Variants in DNER observed in about 807,000 individuals in gnomAD.
DNER encodes the protein delta and Notch-like epidermal growth factor-related receptor.
Under a neutral mutation model 78.2 loss-of-function variants are expected in DNER, and 33 were observed. The observed-to-expected ratio is 0.42, with a 90% CI of 0.32 to 0.56. The LOEUF is 0.56. Ranked by LOEUF, DNER falls within the 20% of genes least tolerant of loss-of-function variation. DNER has a pLI of 0.11. For synonymous variants in DNER, 417 were observed against 384.8 expected, an observed-to-expected ratio of 1.08 and a Z score of -0.98; for missense variants, 918 against 975.3, an observed-to-expected ratio of 0.94 and a Z score of 0.78.
intron 9 of DNER, 110 bp from the exon 10 acceptor site, chr2:229,407,455 G>T (rs555274860): frequency 3.7e-6 from 3 of 811,790 alleles, no homozygotes; most frequent in African/African-American, 1.7e-5. Context: ...GATTCCCAGC[G>T]TGGGTGTGTG....
At chr2:229,565,677 T>A (rs1697092203) in intron 4 of DNER, among the ~76,000 whole-genome samples, 1 of 152,206 alleles carries the variant, frequency 6.6e-6, no homozygotes, top group Admixed American at 6.5e-5. Context: ...TTAAGTAATC[T>A]CCAATTAGCA....
intron 12 of DNER, among the ~76,000 whole-genome samples, chr2:229,362,453 C>G (rs1692238505): frequency 1.3e-5 from 2 of 152,224 alleles, no homozygotes; most frequent in Admixed American, 6.5e-5. Flanking sequence ...CTATGTACTT[C>G]TGCATTGAAA....
At chr2:229,645,541 A>G (rs1258287246) in intron 1 of DNER, among the ~76,000 whole-genome samples, 1 of 152,222 alleles carries the variant, frequency 6.6e-6, no homozygotes, top group Non-Finnish European at 1.5e-5. Flanking sequence ...AAATATGTTC[A>G]CCAATCTGTC....
intron 7 of DNER, among the ~76,000 whole-genome samples, chr2:229,458,440 G>GACAA (rs1247321146): frequency 5.9e-5 from 9 of 151,802 alleles, no homozygotes; most frequent in African/African-American, 2.2e-4. Flanking sequence ...GTAACTGACA[G>GACAA]AATCAATTGA....
At chr2:229,532,901 A>T (rs1197848165) in intron 5 of DNER, among the ~76,000 whole-genome samples, 2 of 152,162 alleles carry the variant, frequency 1.3e-5, no homozygotes, top group Non-Finnish European at 2.9e-5. Flanking sequence ...TGGGAATAAT[A>T]AGGGAGACAG....
intron 1 of DNER, among the ~76,000 whole-genome samples, chr2:229,616,454 C>A (rs891283462): frequency 6.6e-6 from 1 of 152,078 alleles, no homozygotes; most frequent in Non-Finnish European, 1.5e-5. Context: ...CACTTCTGAT[C>A]TAGGGTGATG....
At chr2:229,431,547 A>G (rs1694006742) in intron 8 of DNER, among the ~76,000 whole-genome samples, 1 of 148,922 alleles carries the variant, frequency 6.7e-6, no homozygotes, top group Admixed American at 6.7e-5. Context: ...TGGCCACTAG[A>G]GGGTGGATTC....
chr2:229,385,909 A>T (rs1692853862), intron 11 of DNER, among the ~76,000 whole-genome samples: 1 of 151,866 alleles, frequency 6.6e-6, no homozygotes, highest in East Asian at 1.9e-4. Flanking sequence ...AGTAATTTAC[A>T]CGTTCAATGC....
intron 1 of DNER, chr2:229,701,646 A>G (rs2154217667): frequency 6.6e-6 from 1 of 152,376 alleles, no homozygotes; most frequent in African/African-American, 2.4e-5. Flanking sequence ...GTGAGGTCTT[A>G]AAGAATCTTT....
intron 4 of DNER, among the ~76,000 whole-genome samples, chr2:229,560,819 A>G (rs1253422809): frequency 1.3e-5 from 2 of 152,174 alleles, no homozygotes; most frequent in Non-Finnish European, 2.9e-5. Flanking sequence ...GTGTGGACTC[A>G]GATGTCCTTC....
intron 1 of DNER, among the ~76,000 whole-genome samples, chr2:229,603,389 G>A (rs1340714731): frequency 6.6e-6 from 1 of 152,130 alleles, no homozygotes; most frequent in Non-Finnish European, 1.5e-5. Flanking sequence ...TTGTGCACAT[G>A]TACCCTAAAA....
chr2:229,549,683 G>A (rs190995042), intron 4 of DNER, among the ~76,000 whole-genome samples: 23 of 152,224 alleles, frequency 1.5e-4, no homozygotes, highest in South Asian at 6.2e-4. Context: ...AGGCAGAAGC[G>A]CGTGGATCAT....
At chr2:229,395,228 T>A (rs1444085659) in intron 10 of DNER, among the ~76,000 whole-genome samples, 1 of 152,182 alleles carries the variant, frequency 6.6e-6, no homozygotes, top group Non-Finnish European at 1.5e-5. Context: ...TTAGAGGTGG[T>A]TGATGGCACT....
At chr2:229,422,542 C>T (rs1434141752) in intron 8 of DNER, among the ~76,000 whole-genome samples, 1 of 151,842 alleles carries the variant, frequency 6.6e-6, no homozygotes, top group East Asian at 1.9e-4. Flanking sequence ...GCTGAGTGAG[C>T]GGATGAAGTC....
chr2:229,644,426 C>T (rs1432443098), intron 1 of DNER, among the ~76,000 whole-genome samples: 1 of 148,350 alleles, frequency 6.7e-6, no homozygotes, highest in African/African-American at 2.5e-5. Flanking sequence ...TCACTGCAAC[C>T]TCCACCTCCC....
intron 1 of DNER, among the ~76,000 whole-genome samples, chr2:229,660,773 G>A (rs1312169117): frequency 6.6e-6 from 1 of 152,096 alleles, no homozygotes; most frequent in African/African-American, 2.4e-5. Flanking sequence ...TAGTTTTGGG[G>A]TGAGCAGGAA....
chr2:229,546,998 T>A lies in DNER; in HGVS notation c.942A>T (p.Ala314=). 1 of 1,614,226 alleles carries A rather than the reference T, an allele frequency of 6.2e-7. No individual in the cohort carries two copies. Among genetic ancestry groups the A allele is most frequent in the Admixed American group, 1.7e-5 (1 of 60,024 alleles). The part of the protein sequence containing the change: ...VSTCVPGESH[A]NDLECSGKGK... The stretch of plus-strand genomic sequence containing the variant: ...CTTTTCCTGAACACTCCAAGTCATT[T>A]GCGTGACTCTCCCCCGGCACACAGG... Residue 314 remains alanine (A), a synonymous_variant, in exon 5 of 13, where the codon GCA becomes GCT. Transcript: ENST00000341772.
intron 1 of DNER, among the ~76,000 whole-genome samples, chr2:229,681,929 A>T (rs1469401597): frequency 6.6e-6 from 1 of 152,114 alleles, no homozygotes; most frequent in Non-Finnish European, 1.5e-5. Flanking sequence ...TTAATTTAGT[A>T]AATGTCATCT....
rs1559165523 is a variant in DNER, at chr2:229,554,941, A to AGAGAAGAGAGAAAAGGGAAGGGAAGGG, written c.848-7850_848-7849insCCCTTCCCTTCCCTTTTCTCTCTTCTC. 7.8e-5 allele frequency among the ~76,000 whole-genome samples: 2 copies of AGAGAAGAGAGAAAAGGGAAGGGAAGGG among 25,608 alleles called. 1 individual carries two copies. Among genetic ancestry groups the AGAGAAGAGAGAAAAGGGAAGGGAAGGG allele is most frequent in the Non-Finnish European group, 1.6e-4 (2 of 12,688 alleles). The allele number at this position is 25,608 out of a possible 152,430, so 16.8% of individuals were successfully genotyped here. On this transcript the variant is annotated intron_variant, in intron 4 of 12. Transcript: ENST00000341772. Reference sequence around the variant, plus strand: ...AGAAGAGAAGAGAAGAGAAGAGAGAAAAGGGAAGGGAAGGGAAGGGAAGGG... The same window carrying AGAGAAGAGAGAAAAGGGAAGGGAAGGG: ...AGAAGAGAAGAGAAGAGAAGAGAGAAGAGAAGAGAGAAAAGGGAAGGGAAGGGAAGGGAAGGGAAGGGAAGGGAAGGG...
Sources: allele counts gnomAD v4.1 joint callset (sites outside exome capture counted in the v4.1 genomes callset), GRCh38; gene constraint gnomAD v4.1.1; transcripts MANE v1.5; gene names NCBI Gene and HGNC (gene_info 2026-07-23, HGNC 2026-07-21).